The following MTUS2 variants were observed in gnomAD, a reference collection of about 807,000 sequenced individuals.
MTUS2 encodes microtubule-associated tumor suppressor candidate 2.
In MTUS2, 40 loss-of-function variants were observed where a neutral mutation model predicts 114.1. That is an observed-to-expected ratio of 0.35 (90% CI 0.27 to 0.46). The LOEUF is 0.46. MTUS2 is among the 20% of genes least tolerant of loss of function. The pLI, the probability that MTUS2 is intolerant of heterozygous loss-of-function variation, is 1.00. For synonymous variants in MTUS2, 688 were observed against 672.0 expected (o/e 1.02, Z -0.37); for missense variants, 1,679 against 1,705.4 (o/e 0.98, Z 0.27).
intron 5 of MTUS2, among the ~76,000 whole-genome samples, chr13:29,104,068 T>A (rs775738524): frequency 1.3e-5 from 2 of 152,164 alleles, no homozygotes; most frequent in Non-Finnish European, 2.9e-5. Context: ...ATTTGGGGTC[T>A]CAGCTGTTCC....
intron 2 of MTUS2, among the ~76,000 whole-genome samples, chr13:28,844,687 G>A (rs1036984409): frequency 5.9e-5 from 9 of 152,050 alleles, no homozygotes; most frequent in African/African-American, 1.9e-4. Context: ...CATGATCTAG[G>A]CTCACTGCAA....
At chr13:29,092,997 A>G (rs1371888377) in intron 4 of MTUS2, among the ~76,000 whole-genome samples, 1 of 152,076 alleles carries the variant, frequency 6.6e-6, no homozygotes, top group African/African-American at 2.4e-5. Flanking sequence ...GTTTTGATCT[A>G]AATTACCACC....
chr13:29,191,623 C>A (rs1287541305), intron 5 of MTUS2, among the ~76,000 whole-genome samples: 1 of 152,152 alleles, frequency 6.6e-6, no homozygotes, highest in Non-Finnish European at 1.5e-5. Context: ...CCGGATCAAG[C>A]CAGCACTGAA....
intron 8 of MTUS2, among the ~76,000 whole-genome samples, chr13:29,389,605 G>T (rs567488107): frequency 3.1e-5 from 3 of 96,532 alleles, no homozygotes; most frequent in Non-Finnish European, 6.6e-5. Context: ...GTGTGTATAC[G>T]TATACATATG....
At chr13:29,174,768 T>G (rs1235740073) in intron 5 of MTUS2, among the ~76,000 whole-genome samples, 1 of 152,160 alleles carries the variant, frequency 6.6e-6, no homozygotes, top group Non-Finnish European at 1.5e-5. Context: ...AATGGAAGGG[T>G]TTGTCCCTTT....
intron 2 of MTUS2, among the ~76,000 whole-genome samples, chr13:29,012,730 C>T (rs915418307): frequency 2.6e-4 from 39 of 152,070 alleles, no homozygotes; most frequent in African/African-American, 5.1e-4. Context: ...AAAAATTAGC[C>T]GGGCATGGTG....
At chr13:29,196,097 GA>G (rs1566059841) in intron 5 of MTUS2, among the ~76,000 whole-genome samples, 1 of 146,180 alleles carries the variant, frequency 6.8e-6, no homozygotes, top group African/African-American at 2.5e-5. Flanking sequence ...AACTACTGCA[GA>G]TTTTTTTTTT....
intron 5 of MTUS2, among the ~76,000 whole-genome samples, chr13:29,116,015 G>A (rs533131149): frequency 5.9e-5 from 9 of 152,282 alleles, no homozygotes; most frequent in Admixed American, 2.6e-4. Context: ...TCTTTACTGT[G>A]TTGGCATGTA....
At chr13:29,491,594 GGTGT>G (rs369522053) in intron 11 of MTUS2, among the ~76,000 whole-genome samples, 19 of 147,976 alleles carry the variant, frequency 1.3e-4, no homozygotes, top group East Asian at 4.1e-4. Flanking sequence ...GTGTGTGACA[GGTGT>G]GTGTGTGTGG....
chr13:29,314,279 G>T (rs1330363636), intron 6 of MTUS2, among the ~76,000 whole-genome samples: 1 of 152,158 alleles, frequency 6.6e-6, no homozygotes, highest in Admixed American at 6.5e-5. Flanking sequence ...TGTCATAATT[G>T]TGAGAGGAAA....
chr13:28,872,876 G>A (rs1877706711), intron 2 of MTUS2, among the ~76,000 whole-genome samples: 1 of 152,162 alleles, frequency 6.6e-6, no homozygotes, highest in African/African-American at 2.4e-5. Context: ...AATGTTTGAT[G>A]AGATTATGGC....
intron 4 of MTUS2, among the ~76,000 whole-genome samples, chr13:29,045,092 CTT>C (rs1378115125): frequency 6.6e-6 from 1 of 152,184 alleles, no homozygotes; most frequent in Admixed American, 6.5e-5. Context: ...TTTTAATAAA[CTT>C]ACTTTATTAG....
At chr13:29,008,146 G>A (rs918700504) in intron 2 of MTUS2, among the ~76,000 whole-genome samples, 7 of 151,906 alleles carry the variant, frequency 4.6e-5, no homozygotes, top group Non-Finnish European at 7.4e-5. Flanking sequence ...TGTGATGTTC[G>A]CCCCTTTGCC....
At chr13:29,033,254 C>T (rs910485714) in intron 3 of MTUS2, among the ~76,000 whole-genome samples, 7 of 152,190 alleles carry the variant, frequency 4.6e-5, no homozygotes, top group Non-Finnish European at 8.8e-5. Flanking sequence ...CTGGGAGCAT[C>T]GCCTCACTCG....
chr13:28,891,762 C>G (rs948068564), intron 2 of MTUS2, among the ~76,000 whole-genome samples: 2 of 148,528 alleles, frequency 1.3e-5, no homozygotes, highest in African/African-American at 5.0e-5. Context: ...CCTGTAATCC[C>G]AGCTACTCAG....
At chr13:29,023,944 T>C (rs949461985) in intron 2 of MTUS2, among the ~76,000 whole-genome samples, 1 of 152,162 alleles carries the variant, frequency 6.6e-6, no homozygotes, top group African/African-American at 2.4e-5. Context: ...ATCTCTCCAT[T>C]GTAAAGATAA....
chr13:29,500,232 G>A (rs1313847016), intron 14 of MTUS2, among the ~76,000 whole-genome samples: 2 of 152,228 alleles, frequency 1.3e-5, no homozygotes, highest in Admixed American at 6.5e-5. Context: ...GGGAGCAAAA[G>A]TGAGGGCTGG....
intron 5 of MTUS2, among the ~76,000 whole-genome samples, chr13:29,209,133 T>C (rs1179235838): frequency 6.6e-6 from 1 of 152,174 alleles, no homozygotes; most frequent in Non-Finnish European, 1.5e-5. Context: ...ATATTTAGGA[T>C]TGTGATATTT....
At chr13:29,406,392 C>T (rs1295214718) in intron 8 of MTUS2, among the ~76,000 whole-genome samples, 1 of 152,124 alleles carries the variant, frequency 6.6e-6, no homozygotes, top group African/African-American at 2.4e-5. Flanking sequence ...GGAGAATTCT[C>T]CTCCAAGTTC....
Sources: gnomAD v4.1 joint callset for allele counts (sites outside exome capture counted in the v4.1 genomes callset) on GRCh38, gnomAD v4.1.1 for gene constraint, MANE v1.5 for transcripts, NCBI Gene and HGNC (gene_info 2026-07-23, HGNC 2026-07-21) for gene names.